Variants in POC1A observed in about 807,000 individuals in gnomAD.
POC1A encodes the protein POC1 centriolar protein A, also known as POC1 centriolar protein homolog A.
Under a neutral mutation model 47.8 loss-of-function variants are expected in POC1A, and 34 were observed. The observed-to-expected ratio is 0.71, with a 90% CI of 0.54 to 0.95. POC1A has a LOEUF of 0.95. Ranked by LOEUF, POC1A falls within the 40% of genes least tolerant of loss-of-function variation. POC1A has a pLI of 0.00. For missense variants in POC1A, 466 were observed against 528.3 expected (o/e 0.88, Z 1.16); for synonymous variants, 177 against 207.6 (o/e 0.85, Z 1.27).
Position 52,151,093 on chromosome 3 carries a change from GGGT to G in POC1A, c.23_25del (p.Asp8_Pro9delinsAla). On this transcript the variant is annotated inframe_deletion, in exon 2 of 11. Transcript: ENST00000296484. Reference sequence around the variant, plus strand: ...GCCCTTAAAATGCCTTTCCAGCGAGGGGTCCTCCTGAGAGAGAGCCAGGGTCAA... The same window carrying G: ...GCCCTTAAAATGCCTTTCCAGCGAGGCCTCCTGAGAGAGAGCCAGGGTCAA... The G allele has an allele frequency of 6.2e-7, 1 of 1,613,610 alleles. No individual in the cohort carries two copies. Among genetic ancestry groups the G allele is most frequent in the African/African-American group, 1.3e-5 (1 of 74,978 alleles).
chr3:52,107,687 G>C (rs1247986543), intron 9 of POC1A, among the ~76,000 whole-genome samples: 1 of 152,238 alleles, frequency 6.6e-6, no homozygotes, highest in African/African-American at 2.4e-5. Flanking sequence ...TTCCGATAAA[G>C]CCCAAGTGCT....
At chr3:52,082,599 T>C (rs1441979710) in intron 10 of POC1A, among the ~76,000 whole-genome samples, 3 of 152,136 alleles carry the variant, frequency 2.0e-5, no homozygotes, top group East Asian at 1.9e-4. Flanking sequence ...ATCTGTCCTA[T>C]TGGGGCAACA....
At chr3:52,151,538 G>A (rs1051636273) in intron 1 of POC1A, among the ~76,000 whole-genome samples, 1 of 151,510 alleles carries the variant, frequency 6.6e-6, no homozygotes, top group African/African-American at 2.4e-5. Context: ...GTGAACCCAG[G>A]AGGCGGAGCT....
chr3:52,121,232 G>A (rs1703768749), intron 9 of POC1A, among the ~76,000 whole-genome samples: 1 of 152,176 alleles, frequency 6.6e-6, no homozygotes, highest in African/African-American at 2.4e-5. Context: ...AAGAGGGCAG[G>A]GACCTAGAGG....
At chr3:52,086,880 C>T (rs1702472911) in intron 10 of POC1A, among the ~76,000 whole-genome samples, 1 of 152,270 alleles carries the variant, frequency 6.6e-6, no homozygotes, top group African/African-American at 2.4e-5. Flanking sequence ...TGCTCCTAGA[C>T]AGCACCTGGT....
At chr3:52,145,304 G>A (rs142375379) in intron 6 of POC1A, among the ~76,000 whole-genome samples, 2 of 152,250 alleles carry the variant, frequency 1.3e-5, no homozygotes, top group East Asian at 3.9e-4. Context: ...GCCTTCCAAG[G>A]GCTACCATCC....
At chr3:52,119,032 C>T (rs1703672792) in intron 9 of POC1A, among the ~76,000 whole-genome samples, 1 of 150,266 alleles carries the variant, frequency 6.7e-6, no homozygotes, top group African/African-American at 2.5e-5. Flanking sequence ...TTTACCATCA[C>T]CTCCAGAAGA....
In POC1A at chr3:52,125,139, A is replaced by G; in HGVS notation, c.856T>C (p.Phe286Leu). The G allele has an allele frequency of 6.2e-7, 1 of 1,613,996 alleles. No homozygotes were observed. The highest frequency in any genetic ancestry group is 2.2e-5 in the East Asian group (1 of 44,882). Reference sequence around the variant, plus strand: ...TGTTCATCAGAGCCTCCAGAAGCAAAATACTCCCCCGTTCTTGAAAAGGCA... The same window carrying G: ...TGTTCATCAGAGCCTCCAGAAGCAAGATACTCCCCCGTTCTTGAAAAGGCA... ...TVAFSRTGEY[F>L]ASGGSDEQVM... Residue 286 changes from phenylalanine (F) to leucine (L), a missense_variant, in exon 8 of 11, where the codon TTT (phenylalanine) becomes CTT (leucine). Phe to Leu is a conservative substitution (Grantham distance 22). Coordinates refer to ENST00000296484, the MANE Select transcript of POC1A (RefSeq NM_015426.5).
In POC1A at chr3:52,131,197, T is replaced by C. The variant is rs555557956; in HGVS notation, c.814-6016A>G. Among the ~76,000 whole-genome samples the C allele has an allele frequency of 4.5e-4, 68 of 152,218 alleles. 1 individual carries two copies. The South Asian group carries it at 6.2e-3, about 14-fold the overall frequency. ...ACCAAGTAAGTGTGGCTCAAGATTATGTTTCAGAAAATACAGAAAGATAAA... is the reference window on the plus strand; with the variant it reads ...ACCAAGTAAGTGTGGCTCAAGATTACGTTTCAGAAAATACAGAAAGATAAA... On this transcript the variant is annotated intron_variant, in intron 7 of 10. Coordinates refer to ENST00000296484, the MANE Select transcript of POC1A (RefSeq NM_015426.5).
intron 10 of POC1A, among the ~76,000 whole-genome samples, chr3:52,085,458 C>T (rs796467365): frequency 5.3e-5 from 8 of 152,226 alleles, no homozygotes; most frequent in South Asian, 2.1e-4. Context: ...CCAGACTCTG[C>T]GGCATGGCAT....
intron 1 of POC1A, among the ~76,000 whole-genome samples, chr3:52,152,519 G>A (rs996447291): frequency 2.0e-5 from 3 of 151,992 alleles, no homozygotes; most frequent in Non-Finnish European, 4.4e-5. Context: ...GTAGTGAGCC[G>A]AGATTGCACC....
chr3:52,149,751 G>T (rs1233553577), intron 3 of POC1A, 65 bp downstream of exon 3: 27 of 1,499,138 alleles, frequency 1.8e-5, no homozygotes, highest in Non-Finnish European at 2.5e-5. Context: ...AGGGGACCTG[G>T]GTGGGGATGG....
intron 10 of POC1A, among the ~76,000 whole-genome samples, chr3:52,092,106 C>A (rs1054023339): frequency 6.6e-6 from 1 of 152,182 alleles, no homozygotes; most frequent in Non-Finnish European, 1.5e-5. Context: ...GGGATCAGGG[C>A]CCAGAGAAGC....
chr3:52,120,007 T>C (rs1321175915), intron 9 of POC1A, among the ~76,000 whole-genome samples: 1 of 151,786 alleles, frequency 6.6e-6, no homozygotes, highest in African/African-American at 2.4e-5. Context: ...ATAGAACCAG[T>C]CCCCAGATAC....
intron 10 of POC1A, among the ~76,000 whole-genome samples, chr3:52,089,066 A>G (rs1168767057): frequency 6.6e-6 from 1 of 151,722 alleles, no homozygotes; most frequent in Non-Finnish European, 1.5e-5. Flanking sequence ...TAAAAGATAG[A>G]AAACCAGAGT....
Position 52,151,058 on chromosome 3 carries a change from C to T in POC1A, c.61G>A (p.Ala21Thr). 1 of 1,614,006 alleles carries T rather than the reference C, an allele frequency of 6.2e-7. No individual in the cohort carries two copies. Among genetic ancestry groups the T allele is most frequent in the Non-Finnish European group, 8.5e-7 (1 of 1,179,930 alleles). Residue 21 changes from alanine to threonine, a missense_variant, in exon 2 of 11, where the codon GCA (alanine) becomes ACA (threonine). Coordinates refer to ENST00000296484, the MANE Select transcript of POC1A (RefSeq NM_015426.5). ...LERHFKGHRD[A>T]VTCVDFSINT... ...ATACTGAAGTCCACACAGGTAACTG[C>T]ATCTCGGTGGCCCTTAAAATGCCTT...
In POC1A at chr3:52,085,542, G is replaced by A. The variant is rs186721603; in HGVS notation, c.1126-9557C>T. Among the ~76,000 whole-genome samples the A allele has an allele frequency of 7.3e-3, 1,056 of 145,410 alleles. 15 individuals are homozygous for A. The highest frequency in any genetic ancestry group is 0.025 in the African/African-American group (1,003 of 40,402). ...GCCCAACCCCGCCCACCTGAGGCCC[G>A]CCCACTCTCCTACCCTAGGAGCCTC... On this transcript the variant is annotated intron_variant, in intron 10 of 10. Transcript: ENST00000296484.
chr3:52,109,764 C>A (rs1172022688), intron 9 of POC1A, among the ~76,000 whole-genome samples: 1 of 152,204 alleles, frequency 6.6e-6, no homozygotes, highest in Non-Finnish European at 1.5e-5. Flanking sequence ...GTAAGATAAT[C>A]TCCATGGAAA....
At chr3:52,088,189 C>T (rs1441407763) in intron 10 of POC1A, among the ~76,000 whole-genome samples, 1 of 152,128 alleles carries the variant, frequency 6.6e-6, no homozygotes, top group African/African-American at 2.4e-5. Context: ...CTGCAGCTAC[C>T]ACCCAACAAG....
Sources: allele counts gnomAD v4.1 joint callset (sites outside exome capture counted in the v4.1 genomes callset), GRCh38; gene constraint gnomAD v4.1.1; transcripts MANE v1.5; gene names NCBI Gene and HGNC (gene_info 2026-07-23, HGNC 2026-07-21).